The following DPP6 variants were observed in gnomAD, a reference collection of about 807,000 sequenced individuals.
DPP6 encodes A-type potassium channel modulatory protein DPP6.
A neutral mutation model predicts 122.6 loss-of-function variants in DPP6; 69 were observed. The ratio of observed to expected loss-of-function variants is 0.56; its 90% CI spans 0.46 to 0.69. The LOEUF (loss-of-function observed/expected upper bound fraction) is 0.69, where lower values mean the gene tolerates loss of function less well. Ranked by LOEUF, DPP6 falls within the 30% of genes least tolerant of loss-of-function variation. DPP6 has a pLI of 0.00. For missense variants in DPP6, 928 were observed against 1,116.9 expected, an observed-to-expected ratio of 0.83 and a Z score of 2.41; for synonymous variants, 418 against 433.1, an observed-to-expected ratio of 0.97 and a Z score of 0.43.
intron 1 of DPP6, among the ~76,000 whole-genome samples, chr7:154,359,473 C>T (rs891000845): frequency 1.3e-5 from 2 of 152,134 alleles, no homozygotes; most frequent in Non-Finnish European, 2.9e-5. Context: ...CTCCTCCTCA[C>T]CTATGCTCCT....
chr7:154,302,885 C>T (rs1177059361), intron 1 of DPP6, among the ~76,000 whole-genome samples: 1 of 152,198 alleles, frequency 6.6e-6, no homozygotes, highest in East Asian at 1.9e-4. Context: ...ACCCCTGGGT[C>T]AAGCCCATGG....
chr7:154,076,980 A>G (rs560344884), intron 1 of DPP6, among the ~76,000 whole-genome samples: 14 of 152,326 alleles, frequency 9.2e-5, no homozygotes, highest in East Asian at 3.9e-4. Flanking sequence ...AATAATTTCA[A>G]TACTTAAAGT....
intron 3 of DPP6, among the ~76,000 whole-genome samples, chr7:154,512,627 C>T (rs1270045053): frequency 1.3e-5 from 2 of 152,036 alleles, no homozygotes; most frequent in South Asian, 2.1e-4. Context: ...CCTTTTGTGC[C>T]CGATCAATAG....
At chr7:153,937,100 G>C (rs931726184) in intron 1 of DPP6, among the ~76,000 whole-genome samples, 2 of 152,152 alleles carry the variant, frequency 1.3e-5, no homozygotes, top group Non-Finnish European at 2.9e-5. Context: ...TCCCAGGAAA[G>C]CAGCTGGGGA....
chr7:153,867,087 G>A, the DPP6 span, among the ~76,000 whole-genome samples: 1 of 152,286 alleles, frequency 6.6e-6, no homozygotes, highest in South Asian at 2.1e-4. Flanking sequence ...GTAGCGTGAT[G>A]CCTCCAGCTT....
At chr7:153,902,849 T>G (rs1008109022) in intron 1 of DPP6, among the ~76,000 whole-genome samples, 3 of 151,914 alleles carry the variant, frequency 2.0e-5, no homozygotes, top group African/African-American at 7.3e-5. Context: ...AAAAAAGTGC[T>G]TATAATTACA....
In DPP6 at chr7:154,313,726, C is replaced by CAA. The variant is rs1807165451; in HGVS notation, c.244-132487_244-132486insAA. On this transcript the variant is annotated intron_variant, in intron 1 of 25. Transcript: ENST00000377770. ...ATATATATATATATACACACACACG[C>CAA]ACGCACACACACACACACACACACA... is the stretch of plus-strand genomic sequence containing the variant. Among the ~76,000 whole-genome samples, 2 of 28,252 alleles carry CAA rather than the reference C, an allele frequency of 7.1e-5. 1 individual carries two copies. Among genetic ancestry groups the CAA allele is most frequent in the Non-Finnish European group, 1.4e-4 (2 of 13,962 alleles). 18.5% of individuals were successfully genotyped at this position (28,252 alleles called of 152,430 possible). A position where few individuals can be genotyped will look rare whatever the true frequency, so the allele number is the denominator to read the frequency against.
chr7:154,041,686 C>A (rs1799773321), intron 1 of DPP6, among the ~76,000 whole-genome samples: 1 of 152,072 alleles, frequency 6.6e-6, no homozygotes, highest in South Asian at 2.1e-4. Flanking sequence ...TAGTTCAGTA[C>A]CTGCATGCTA....
chr7:154,721,625 T>A (rs1841814975), intron 7 of DPP6, among the ~76,000 whole-genome samples: 1 of 151,882 alleles, frequency 6.6e-6, no homozygotes, highest in Non-Finnish European at 1.5e-5. Context: ...GCATAAAAAA[T>A]AAAAGAAAAA....
At chr7:154,749,987 G>A (rs990175820) in intron 8 of DPP6, among the ~76,000 whole-genome samples, 10 of 145,496 alleles carry the variant, frequency 6.9e-5, no homozygotes, top group African/African-American at 2.5e-4. Context: ...GAGAGAGGGT[G>A]AGAGAGCATA....
chr7:154,567,064 T>G, intron 5 of DPP6, 148 bp downstream of exon 5: 1 of 616,272 alleles, frequency 1.6e-6, no homozygotes, highest in Non-Finnish European at 2.7e-6. Context: ...CATATCATAC[T>G]GCCACCTAGG....
intron 8 of DPP6, among the ~76,000 whole-genome samples, chr7:154,741,639 C>G (rs988580560): frequency 6.6e-6 from 1 of 152,210 alleles, no homozygotes; most frequent in Non-Finnish European, 1.5e-5. Flanking sequence ...AGGAAGAGCC[C>G]AGCTAGGATA....
chr7:154,463,714 T>A (rs1821534155), intron 2 of DPP6, among the ~76,000 whole-genome samples: 1 of 151,932 alleles, frequency 6.6e-6, no homozygotes, highest in Non-Finnish European at 1.5e-5. Flanking sequence ...GTTTTTCCAT[T>A]CAAGGCAGGC....
exon 1 of DPP6, chr7:153,887,624 A>G (rs906914802): frequency 1.9e-6 from 3 of 1,594,870 alleles, no homozygotes; most frequent in South Asian, 1.1e-5. Context: ...AATCCTCACC[A>G]GGACAATGGA....
At chr7:154,321,430 G>A (rs1173259874) in intron 1 of DPP6, among the ~76,000 whole-genome samples, 3 of 152,054 alleles carry the variant, frequency 2.0e-5, no homozygotes, top group African/African-American at 4.8e-5. Flanking sequence ...GAACCATCAC[G>A]GAGATTTTTC....
intron 1 of DPP6, among the ~76,000 whole-genome samples, chr7:154,061,836 T>C (rs1436137994): frequency 3.9e-5 from 5 of 126,742 alleles, no homozygotes; most frequent in African/African-American, 1.5e-4. Flanking sequence ...CCCCCTTTGC[T>C]CTTAGGATCC....
chr7:154,886,593 G>T (rs1806173802), intron 22 of DPP6, among the ~76,000 whole-genome samples: 1 of 152,194 alleles, frequency 6.6e-6, no homozygotes, highest in African/African-American at 2.4e-5. Context: ...AGGGCTCCGT[G>T]GCAGCCAGGC....
At chr7:154,308,919 A>G (rs1351915139) in intron 1 of DPP6, among the ~76,000 whole-genome samples, 3 of 152,210 alleles carry the variant, frequency 2.0e-5, no homozygotes, top group East Asian at 3.9e-4. Flanking sequence ...TTTTCCTAGC[A>G]TATTGTGTGC....
chr7:154,526,634 A>G (rs1368404531), intron 3 of DPP6, among the ~76,000 whole-genome samples: 1 of 152,240 alleles, frequency 6.6e-6, no homozygotes, highest in Non-Finnish European at 1.5e-5. Flanking sequence ...TCTAGATTAT[A>G]AATATGGTCC....
Sources: gnomAD v4.1 joint callset for allele counts (sites outside exome capture counted in the v4.1 genomes callset) on GRCh38, gnomAD v4.1.1 for gene constraint, MANE v1.5 for transcripts, NCBI Gene and HGNC (gene_info 2026-07-23, HGNC 2026-07-21) for gene names.